The following CSMD1 variants were observed in gnomAD, a reference collection of about 807,000 sequenced individuals.
CSMD1 encodes the protein CUB and Sushi multiple domains 1.
In CSMD1, 213 loss-of-function variants were observed where a neutral mutation model predicts 417.5. The ratio of observed to expected loss-of-function variants is 0.51; its 90% confidence interval spans 0.46 to 0.57. The LOEUF is 0.57. Ranked by LOEUF, CSMD1 falls within the 20% of genes least tolerant of loss-of-function variation. The pLI, the probability that CSMD1 is intolerant of heterozygous loss-of-function variation, is 0.00. For synonymous variants in CSMD1, 2,862 were observed against 1,736.8 expected (o/e 1.65, Z -16.11); for missense variants, 6,923 against 4,529.7 (o/e 1.53, Z -15.17).
intron 7 of CSMD1, chr8:3,704,594 T>A (rs1472617864): frequency 6.6e-6 from 1 of 152,198 alleles, no homozygotes; most frequent in African/African-American, 2.4e-5. Context: ...AGCAACCCAT[T>A]TGAGATCCCC....
chr8:3,699,172 T>G (rs1014938322), intron 7 of CSMD1, among the ~76,000 whole-genome samples: 1 of 152,220 alleles, frequency 6.6e-6, no homozygotes, highest in Non-Finnish European at 1.5e-5. Context: ...TGGAGGAAAA[T>G]TAGTACATTA....
At chr8:3,841,550 A>G (rs527924237) in intron 5 of CSMD1, among the ~76,000 whole-genome samples, 18 of 152,170 alleles carry the variant, frequency 1.2e-4, no homozygotes, top group African/African-American at 3.9e-4. Context: ...CAAAGCACAT[A>G]TATCAATTAA....
chr8:4,171,532 C>T (rs1046217227), intron 3 of CSMD1, among the ~76,000 whole-genome samples: 2 of 151,776 alleles, frequency 1.3e-5, no homozygotes. Flanking sequence ...TTAGTTGACA[C>T]TTAACAAATG....
At chr8:3,526,986 G>C (rs1250158809) in intron 10 of CSMD1, among the ~76,000 whole-genome samples, 1 of 151,970 alleles carries the variant, frequency 6.6e-6, no homozygotes, top group African/African-American at 2.4e-5. Flanking sequence ...GGAGGGTGGG[G>C]CTATATCCTT....
chr8:3,187,165 T>C (rs1015298479), intron 36 of CSMD1, among the ~76,000 whole-genome samples: 2 of 152,198 alleles, frequency 1.3e-5, no homozygotes, highest in Non-Finnish European at 2.9e-5. Context: ...GCAATACTGA[T>C]CATCATCACT....
intron 5 of CSMD1, among the ~76,000 whole-genome samples, chr8:3,901,612 T>A (rs1807758285): frequency 6.6e-6 from 1 of 152,216 alleles, no homozygotes; most frequent in Admixed American, 6.5e-5. Flanking sequence ...TGATAGTTTC[T>A]CTGAAAACCA....
chr8:4,714,612 C>G (rs1808525555), intron 1 of CSMD1, among the ~76,000 whole-genome samples: 1 of 143,642 alleles, frequency 7.0e-6, no homozygotes, highest in South Asian at 2.4e-4. Flanking sequence ...GATTCAAATT[C>G]ACACCACTCA....
At chr8:4,662,466 T>C (rs7833296) in intron 1 of CSMD1, among the ~76,000 whole-genome samples, 10,368 of 152,188 alleles carry the variant, frequency 0.068, 647 homozygotes, top group African/African-American at 0.16. Flanking sequence ...TTTTCTCCAG[T>C]GAAGCACTTT....
intron 1 of CSMD1, among the ~76,000 whole-genome samples, chr8:4,934,459 A>G (rs961735374): frequency 1.3e-5 from 2 of 152,208 alleles, no homozygotes; most frequent in Non-Finnish European, 2.9e-5. Flanking sequence ...TTGTATTCAC[A>G]TCAACACTCC....
intron 5 of CSMD1, among the ~76,000 whole-genome samples, chr8:3,774,908 T>C (rs1179041923): frequency 1.3e-5 from 2 of 152,060 alleles, no homozygotes; most frequent in South Asian, 2.1e-4. Context: ...CTTTTCAATA[T>C]GGTAACCAAG....
At chr8:3,509,204 G>A (rs1268380156) in intron 10 of CSMD1, among the ~76,000 whole-genome samples, 3 of 152,128 alleles carry the variant, frequency 2.0e-5, no homozygotes, top group Non-Finnish European at 4.4e-5. Context: ...GGAAATCTGG[G>A]CAATTAGAGA....
Position 4,897,809 on chromosome 8 carries a change from C to T in CSMD1, c.85+96523G>A, listed in dbSNP as rs117549728. Reference sequence around the variant, plus strand: ...ATGCCAGTAGATGATACAGAAGAGACAGAGACTTAAATAAGTTTTTGTATA... The same window carrying T: ...ATGCCAGTAGATGATACAGAAGAGATAGAGACTTAAATAAGTTTTTGTATA... On this transcript the variant is annotated intron_variant, in intron 1 of 69. Coordinates refer to ENST00000635120, the MANE Select transcript of CSMD1 (RefSeq NM_033225.6). Among the ~76,000 whole-genome samples, 1,229 of 152,150 alleles carry T rather than the reference C, an allele frequency of 8.1e-3. 1 individual carries two copies. Among genetic ancestry groups the T allele is most frequent in the Non-Finnish European group, 0.013 (861 of 68,010 alleles).
At chr8:3,641,121 T>C (rs1353214143) in intron 7 of CSMD1, among the ~76,000 whole-genome samples, 4 of 151,310 alleles carry the variant, frequency 2.6e-5, no homozygotes, top group African/African-American at 9.8e-5. Flanking sequence ...CTGAAGTTAT[T>C]GCAGAAGGTG....
chr8:4,528,006 G>C (rs1339699606), intron 2 of CSMD1, among the ~76,000 whole-genome samples: 1 of 152,138 alleles, frequency 6.6e-6, no homozygotes, highest in East Asian at 1.9e-4. Context: ...CAGAGCCCTG[G>C]GTGTGGGATC....
intron 5 of CSMD1, among the ~76,000 whole-genome samples, chr8:3,847,428 A>C (rs1803582236): frequency 6.6e-6 from 1 of 152,092 alleles, no homozygotes; most frequent in Non-Finnish European, 1.5e-5. Flanking sequence ...GTTGGCTGCG[A>C]GCAGTGGGCA....
At chr8:4,528,297 A>G (rs1796623879) in intron 2 of CSMD1, among the ~76,000 whole-genome samples, 1 of 152,198 alleles carries the variant, frequency 6.6e-6, no homozygotes, top group African/African-American at 2.4e-5. Flanking sequence ...AGAGCCATCC[A>G]TGAACAGCAA....
chr8:3,285,342 A>G (rs1055954870), intron 25 of CSMD1, among the ~76,000 whole-genome samples: 2 of 152,024 alleles, frequency 1.3e-5, no homozygotes, highest in Admixed American at 1.3e-4. Context: ...AGTATAGCAG[A>G]TAGTAGATCT....
At chr8:4,639,608 A>C (rs576672782) in intron 1 of CSMD1, among the ~76,000 whole-genome samples, 9 of 152,224 alleles carry the variant, frequency 5.9e-5, no homozygotes, top group Non-Finnish European at 1.2e-4. Flanking sequence ...GAAAGTTTTG[A>C]AGGGACCTGG....
intron 6 of CSMD1, among the ~76,000 whole-genome samples, chr8:3,739,349 G>C (rs897701076): frequency 2.0e-5 from 3 of 152,188 alleles, no homozygotes; most frequent in African/African-American, 4.8e-5. Flanking sequence ...GCACCACAGT[G>C]TGACTGTAGT....
Sources: gnomAD v4.1 joint callset for allele counts (sites outside exome capture counted in the v4.1 genomes callset) on GRCh38, gnomAD v4.1.1 for gene constraint, MANE v1.5 for transcripts, NCBI Gene and HGNC (gene_info 2026-07-23, HGNC 2026-07-21) for gene names.